Variants in ANKRD11 observed in about 807,000 individuals in gnomAD.
ANKRD11 encodes ankyrin repeat domain-containing protein 11.
Under a neutral mutation model 195.7 loss-of-function variants are expected in ANKRD11, and 17 were observed. The ratio of observed to expected loss-of-function variants is 0.09; its 90% CI spans 0.06 to 0.13. The LOEUF (loss-of-function observed/expected upper bound fraction) is 0.13, where lower values mean the gene tolerates loss of function less well. Among genes scored for constraint, ANKRD11 ranks in the 10% least tolerant of loss-of-function variants. The pLI, the probability that ANKRD11 is intolerant of heterozygous loss-of-function variation, is 1.00. For synonymous variants in ANKRD11, 1,953 were observed against 1,528.1 expected (o/e 1.28, Z -6.49); for missense variants, 3,735 against 3,566.1 (o/e 1.05, Z -1.21).
In ANKRD11 at chr16:89,387,615, G is replaced by A. The variant is rs902569963; in HGVS notation, c.-60+30669C>T. On this transcript the variant is annotated intron_variant, in intron 2 of 12. Coordinates refer to ENST00000301030, the MANE Select transcript of ANKRD11 (RefSeq NM_013275.6). ...GGGAACCCGGGAGGCAGAGCTTGCA[G>A]TGAGCCGAGACTGCACCACTGCACT... is the stretch of plus-strand genomic sequence containing the variant. Among the ~76,000 whole-genome samples the A allele has an allele frequency of 3.3e-5, 5 of 150,076 alleles. No homozygotes were observed. The East Asian group carries it at 9.8e-4, about 29-fold the overall frequency.
chr16:89,281,511 T>C lies in ANKRD11; in HGVS notation c.5031A>G (p.Lys1677=). 2 of 1,614,196 alleles carry C rather than the reference T, an allele frequency of 1.2e-6. No individual in the cohort carries two copies. The highest frequency in any genetic ancestry group is 1.7e-6 in the Non-Finnish European group (2 of 1,180,030). The change falls in exon 9 of 13, where the codon AAA becomes AAG. Residue 1677 remains lysine, a synonymous_variant. Coordinates refer to ENST00000301030, the MANE Select transcript of ANKRD11 (RefSeq NM_013275.6). The surrounding 1 kb of genome is among the most constrained non-coding windows in gnomAD (Gnocchi z 5.5). ...TCATGTGAGGGCCTGCCAGCCAGTCTTTGGAGTCTGCACCTGATGCTGGGT... is the reference window on the plus strand; with the variant it reads ...TCATGTGAGGGCCTGCCAGCCAGTCCTTGGAGTCTGCACCTGATGCTGGGT... ...KLHPASGADS[K]DWLAGPHMKE...
intron 1 of ANKRD11, among the ~76,000 whole-genome samples, chr16:89,444,350 A>G (rs1465337348): frequency 6.6e-6 from 1 of 152,062 alleles, no homozygotes; most frequent in Non-Finnish European, 1.5e-5. Context: ...GCTGCCACTC[A>G]CTGCAACTCC....
In ANKRD11 at chr16:89,285,108, G is replaced by A. The variant is rs1336526074; in HGVS notation, c.1434C>T (p.Ser478=). 8 of 1,613,746 alleles carry A rather than the reference G, an allele frequency of 5.0e-6. No homozygotes were observed. The highest frequency in any genetic ancestry group is 6.8e-6 in the Non-Finnish European group (8 of 1,180,038). Residue 478 remains serine, a synonymous_variant, in exon 9 of 13, where the codon TCC becomes TCT. Transcript: ENST00000301030. The surrounding 1 kb of genome is among the most constrained non-coding windows in gnomAD (Gnocchi z 5.6). ...CTGAGGACTCGCTCTCCGACTCCGA[G>A]GAGCAGAACTTGTCGCTCCGCTTTC... ...RFGKRSDKFC[S]SESESESSES... is the part of the protein sequence containing the mutation.
intron 1 of ANKRD11, among the ~76,000 whole-genome samples, chr16:89,442,509 T>C (rs71396917): frequency 8.6e-4 from 131 of 152,274 alleles, no homozygotes; most frequent in African/African-American, 2.9e-3. Context: ...ACGCTGTTTG[T>C]CTCTGTTTCT....
In ANKRD11 at chr16:89,286,152, G is replaced by A. The variant is rs768058427; in HGVS notation, c.779C>T (p.Pro260Leu). ...CTCGCCTTTCCTGTTGCTCTGCTGC[G>A]GGTTCCCTCCGTACCGCAGCAGCAG... ...VKLLLRYGGN[P>L]QQSNRKGETP... Residue 260 changes from proline (P) to leucine (L), a missense_variant, in exon 8 of 13, where the codon CCG (proline) becomes CTG (leucine). Transcript: ENST00000301030. The A allele has an allele frequency of 6.2e-7, 1 of 1,614,048 alleles. No individual in the cohort carries two copies. Among genetic ancestry groups the A allele is most frequent in the Non-Finnish European group, 8.5e-7 (1 of 1,180,036 alleles).
intron 9 of ANKRD11, chr16:89,278,207 G>T: frequency 3.1e-6 from 1 of 318,808 alleles, no homozygotes; most frequent in Non-Finnish European, 6.1e-6. Flanking sequence ...GAACAGGAGG[G>T]CAGGGGAGGC....
intron 2 of ANKRD11, among the ~76,000 whole-genome samples, chr16:89,406,820 A>T (rs975824535): frequency 6.6e-6 from 1 of 152,228 alleles, no homozygotes; most frequent in African/African-American, 2.4e-5. Flanking sequence ...GGGAGGCAGC[A>T]GAAAGGACAG....
intron 2 of ANKRD11, among the ~76,000 whole-genome samples, chr16:89,320,699 T>C (rs998862461): frequency 2.6e-5 from 4 of 152,112 alleles, no homozygotes; most frequent in African/African-American, 9.7e-5. Context: ...CTCAGGGAAC[T>C]TGCCCATTAC....
At position 89,437,957 on chromosome 16, in the gene ANKRD11, A is replaced by C. The variant is rs530703343; in HGVS notation, c.-144-19589T>G. ...CATTCTTAGTTTCCTCATCTGTAGA[A>C]AGAAAAATTCCTGGATACAAAATAT... On this transcript the variant is annotated intron_variant, in intron 1 of 12. Coordinates refer to ENST00000301030, the MANE Select transcript of ANKRD11 (RefSeq NM_013275.6). 6.6e-5 allele frequency among the ~76,000 whole-genome samples: 10 copies of C among 152,328 alleles called. No individual in the cohort carries two copies. The South Asian group carries it at 8.3e-4, about 13-fold the overall frequency.
rs1348787764 is a variant in ANKRD11, at chr16:89,280,172, A to C, written c.6370T>G (p.Phe2124Val). Residue 2124 changes from phenylalanine to valine, a missense_variant, in exon 9 of 13, where the codon TTC (phenylalanine) becomes GTC (valine). Coordinates refer to ENST00000301030, the MANE Select transcript of ANKRD11 (RefSeq NM_013275.6). ...TCCAGGTCGTCCTCGGGGCCGGCGAAGGCGTCCGCCCAGGGCACCGGCTCC... is the reference window on the plus strand; with the variant it reads ...TCCAGGTCGTCCTCGGGGCCGGCGACGGCGTCCGCCCAGGGCACCGGCTCC... ...QVEPVPWADA[F>V]AGPEDDLDLG... 7 of 1,609,462 alleles carry C rather than the reference A, an allele frequency of 4.3e-6. No homozygotes were observed. Among genetic ancestry groups the C allele is most frequent in the Non-Finnish European group, 5.9e-6 (7 of 1,178,946 alleles).
chr16:89,490,558 C>A lies in ANKRD11; in HGVS notation c.-458G>T. 1 of 421,864 alleles carries A rather than the reference C, an allele frequency of 2.4e-6. No individual in the cohort carries two copies. Among genetic ancestry groups the A allele is most frequent in the South Asian group, 5.5e-5 (1 of 18,090 alleles). 26.1% of individuals were successfully genotyped at this position (421,864 alleles called of 1,614,324 possible). A position where few individuals can be genotyped will look rare whatever the true frequency, so the allele number is the denominator to read the frequency against. On this transcript the variant is annotated 5_prime_UTR_variant, in exon 1 of 13. In the 5' UTR this introduces an upstream ATG that the reference lacks. Transcript: ENST00000301030. ...CCATCGCGCACCGTCTCAGGGCGGC[C>A]TCTGGCTCCAGGACCCAGCGGCGGC... is the stretch of plus-strand genomic sequence containing the variant.
chr16:89,358,319 G>A (rs2039579125), intron 2 of ANKRD11, among the ~76,000 whole-genome samples: 1 of 152,122 alleles, frequency 6.6e-6, no homozygotes, highest in Non-Finnish European at 1.5e-5. Context: ...CATCACAGCT[G>A]CATATTCACG....
chr16:89,337,432 T>C (rs74567700), intron 2 of ANKRD11, among the ~76,000 whole-genome samples: 1 of 101,478 alleles, frequency 9.9e-6, no homozygotes, highest in African/African-American at 3.9e-5. Flanking sequence ...AGCAATTCTT[T>C]TTTTTTTTTT....
intron 1 of ANKRD11, among the ~76,000 whole-genome samples, chr16:89,481,494 A>C (rs1457529126): frequency 1.3e-5 from 2 of 152,184 alleles, no homozygotes; most frequent in African/African-American, 4.8e-5. Context: ...AAGCTCAAGG[A>C]TGCAGTGAGA....
At chr16:89,433,180 A>T (rs1274713145) in intron 1 of ANKRD11, among the ~76,000 whole-genome samples, 1 of 152,216 alleles carries the variant, frequency 6.6e-6, no homozygotes, top group African/African-American at 2.4e-5. Context: ...TAATTTGGAA[A>T]TGAAAAAGGA....
intron 2 of ANKRD11, among the ~76,000 whole-genome samples, chr16:89,411,744 C>T (rs1297349706): frequency 6.6e-6 from 1 of 152,120 alleles, no homozygotes; most frequent in Non-Finnish European, 1.5e-5. Flanking sequence ...TAAGCACATC[C>T]CAAATCATTT....
chr16:89,281,748 G>A lies in ANKRD11; in HGVS notation c.4794C>T (p.His1598=), dbSNP rs1341643728. The part of the protein sequence containing the change: ...SQKDLEIEER[H]KRHKERMKQM... ...GCTTCATCCTCTCCTTGTGCCGCTT[G>A]TGGCGCTCCTCGATCTCCAGGTCCT... The change falls in exon 9 of 13, where the codon CAC becomes CAT. Residue 1598 remains histidine (H), a synonymous_variant. Transcript: ENST00000301030. The surrounding 1 kb of genome is among the most constrained non-coding windows in gnomAD (Gnocchi z 5.5). 6.2e-6 allele frequency: 10 copies of A among 1,613,964 alleles called. No homozygotes were observed. Among genetic ancestry groups the A allele is most frequent in the South Asian group, 4.4e-5 (4 of 91,064 alleles).
intron 2 of ANKRD11, chr16:89,323,945 A>G (rs1215544470): frequency 9.1e-6 from 2 of 219,158 alleles, no homozygotes; most frequent in East Asian, 2.9e-4. Context: ...CTACGGTTTG[A>G]ATGTTTGTGT....
chr16:89,332,513 G>A (rs544370432), intron 2 of ANKRD11, among the ~76,000 whole-genome samples: 5 of 152,204 alleles, frequency 3.3e-5, no homozygotes, highest in Admixed American at 2.6e-4. Flanking sequence ...AAACAGCCTC[G>A]TCTGCTCACT....
Sources: gnomAD v4.1 joint callset for allele counts (sites outside exome capture counted in the v4.1 genomes callset) on GRCh38, gnomAD v4.1.1 for gene constraint, Gnocchi (gnomAD v3.1) non-coding constraint, MANE v1.5 for transcripts, NCBI Gene and HGNC (gene_info 2026-07-23, HGNC 2026-07-21) for gene names.